The following CCDC91 variants were observed in gnomAD, a reference collection of about 807,000 sequenced individuals.
CCDC91 encodes coiled-coil domain containing 91, also known as coiled-coil domain-containing protein 91.
Under a neutral mutation model 63.2 loss-of-function variants are expected in CCDC91, and 48 were observed. The observed-to-expected ratio is 0.76, with a 90% CI of 0.60 to 0.97. The LOEUF (loss-of-function observed/expected upper bound fraction) is 0.97. CCDC91 is among the 50% of genes least tolerant of loss of function. The pLI is 0.00. For synonymous variants in CCDC91, 167 were observed against 165.8 expected (o/e 1.01, Z -0.06); for missense variants, 500 against 494.6 (o/e 1.01, Z -0.10).
intron 11 of CCDC91, among the ~76,000 whole-genome samples, chr12:28,475,277 T>C (rs752711232): frequency 3.3e-5 from 5 of 152,124 alleles, no homozygotes; most frequent in Non-Finnish European, 5.9e-5. Context: ...CTGCTAATCA[T>C]GTGAAAACAT....
rs1414382085 is a variant in CCDC91 at position 28,431,262 on chromosome 12, C to CAAGTATGTT, written c.763-18898_763-18897insAGTATGTTA. On this transcript the variant is annotated intron_variant, in intron 8 of 12. Transcript: ENST00000536442. ...ATCTATTAATCAAGCCTGTTAAATT[C>CAAGTATGTT]ACATTTTGTTAACATACTGATTTTC... Among the ~76,000 whole-genome samples the CAAGTATGTT allele has an allele frequency of 4.7e-4, 71 of 152,108 alleles. 1 individual carries two copies. Among genetic ancestry groups the CAAGTATGTT allele is most frequent in the African/African-American group, 1.7e-3 (70 of 41,538 alleles).
intron 12 of CCDC91, among the ~76,000 whole-genome samples, chr12:28,490,235 A>C (rs1413947210): frequency 6.6e-6 from 1 of 151,844 alleles, no homozygotes; most frequent in East Asian, 1.9e-4. Context: ...GTAGCTCATT[A>C]ACAATTCAGC....
chr12:28,386,366 T>G (rs2139188721), intron 7 of CCDC91, among the ~76,000 whole-genome samples: 2 of 152,256 alleles, frequency 1.3e-5, no homozygotes, highest in South Asian at 4.1e-4. Flanking sequence ...CTTTAAAAAT[T>G]ATTCTTTTTT....
intron 8 of CCDC91, among the ~76,000 whole-genome samples, chr12:28,432,075 T>C (rs1948658331): frequency 6.6e-6 from 1 of 152,126 alleles, no homozygotes; most frequent in African/African-American, 2.4e-5. Context: ...TTTTTTCTTT[T>C]TTAAATTAAA....
At chr12:28,449,180 A>G (rs1227590812) in intron 8 of CCDC91, among the ~76,000 whole-genome samples, 2 of 152,094 alleles carry the variant, frequency 1.3e-5, no homozygotes, top group Non-Finnish European at 2.9e-5. Flanking sequence ...TTAAGTAGAC[A>G]TGGACTGTTT....
At chr12:28,314,274 C>A (rs938609103) in intron 6 of CCDC91, among the ~76,000 whole-genome samples, 1 of 151,930 alleles carries the variant, frequency 6.6e-6, no homozygotes, top group Admixed American at 6.6e-5. Context: ...CAGCCCCAGA[C>A]TACTACTTAC....
chr12:28,442,475 A>T (rs1297685815), intron 8 of CCDC91, among the ~76,000 whole-genome samples: 1 of 152,134 alleles, frequency 6.6e-6, no homozygotes, highest in Non-Finnish European at 1.5e-5. Context: ...ATTTTCTGAA[A>T]AGGCCAATTT....
At chr12:28,475,631 C>G (rs1484840032) in intron 11 of CCDC91, among the ~76,000 whole-genome samples, 1 of 151,856 alleles carries the variant, frequency 6.6e-6, no homozygotes, top group Non-Finnish European at 1.5e-5. Context: ...CATTTTGGCC[C>G]CCATTTTCCC....
intron 8 of CCDC91, among the ~76,000 whole-genome samples, chr12:28,396,336 C>T (rs1946284928): frequency 6.6e-6 from 1 of 152,142 alleles, no homozygotes; most frequent in South Asian, 2.1e-4. Flanking sequence ...TTACCTGCCA[C>T]ATTGTCTGAA....
At chr12:28,412,867 G>A (rs1211091441) in intron 8 of CCDC91, 1 of 442,624 alleles carries the variant, frequency 2.3e-6, no homozygotes, top group Middle Eastern at 7.2e-4. Context: ...AGACAGGAAA[G>A]TTCCCCAACT....
intron 3 of CCDC91, among the ~76,000 whole-genome samples, chr12:28,288,193 T>G (rs1178861762): frequency 6.6e-6 from 1 of 152,188 alleles, no homozygotes; most frequent in African/African-American, 2.4e-5. Flanking sequence ...TGTACTTTAT[T>G]TCTTTCTCTT....
intron 8 of CCDC91, among the ~76,000 whole-genome samples, chr12:28,440,703 A>G (rs76862535): frequency 0.011 from 1,664 of 152,306 alleles, 14 homozygotes; most frequent in Non-Finnish European, 0.019. Flanking sequence ...GTTTATATCC[A>G]GAGTATATAA....
rs569386613 is a variant in CCDC91 at position 28,339,082 on chromosome 12, C to A, written c.577-23356C>A. Among the ~76,000 whole-genome samples the A allele has an allele frequency of 2.7e-3, 409 of 152,260 alleles. 1 individual carries two copies. Among genetic ancestry groups the A allele is most frequent in the South Asian group, 8.1e-3 (39 of 4,822 alleles). On this transcript the variant is annotated intron_variant, in intron 6 of 12. Coordinates refer to ENST00000536442, the MANE Select transcript of CCDC91 (RefSeq NM_018318.5). ...TCTGGAACCCCCGACCTCAGGTGAT[C>A]CACCTGCCTCGGCTTCCCAAAGTGC...
rs1490225109 is a variant in CCDC91 at position 28,369,664 on chromosome 12, T to G, written c.654+7149T>G. ...TCCTTCTGCACTCCCCTAGTAGAGG[T>G]TCTCTGTGAGGGCTCCTCCTCTGTA... On this transcript the variant is annotated intron_variant, in intron 7 of 12. Transcript: ENST00000536442. 2.0e-5 allele frequency among the ~76,000 whole-genome samples: 3 copies of G among 152,074 alleles called. No homozygotes were observed. In the East Asian group the frequency reaches 5.8e-4, roughly 29 times the overall value.
chr12:28,467,629 GC>G (rs990296104), intron 11 of CCDC91, among the ~76,000 whole-genome samples: 2 of 152,038 alleles, frequency 1.3e-5, no homozygotes, highest in Admixed American at 1.3e-4. Context: ...TATTTAGAGA[GC>G]ATTTTATTCA....
intron 12 of CCDC91, among the ~76,000 whole-genome samples, chr12:28,532,399 A>C (rs1941812018): frequency 6.6e-6 from 1 of 152,190 alleles, no homozygotes; most frequent in African/African-American, 2.4e-5. Context: ...AATGTCTAAA[A>C]GGGATTAGTG....
chr12:28,377,248 C>T (rs942903513), intron 7 of CCDC91, among the ~76,000 whole-genome samples: 52 of 151,216 alleles, frequency 3.4e-4, no homozygotes, highest in African/African-American at 1.2e-3. Flanking sequence ...AAGTTGTTTT[C>T]GTGGTTCTGG....
intron 8 of CCDC91, 61 bp from the exon 9 acceptor site, chr12:28,450,100 C>T: frequency 1.1e-6 from 1 of 880,006 alleles, no homozygotes; most frequent in Non-Finnish European, 1.7e-6. Flanking sequence ...ACCAGCTACT[C>T]TCCTTGTTGA....
chr12:28,366,452 T>C (rs115115903), intron 7 of CCDC91, among the ~76,000 whole-genome samples: 1 of 152,312 alleles, frequency 6.6e-6, no homozygotes, highest in Non-Finnish European at 1.5e-5. Context: ...TTCCACCAAG[T>C]ACCATAGGAA....
Sources: gnomAD v4.1 joint callset for allele counts (sites outside exome capture counted in the v4.1 genomes callset) on GRCh38, gnomAD v4.1.1 for gene constraint, MANE v1.5 for transcripts, NCBI Gene and HGNC (gene_info 2026-07-23, HGNC 2026-07-21) for gene names.